MTA3: variants seen among roughly 807,000 people sequenced by gnomAD.
MTA3 encodes metastasis associated 1 family member 3, also known as metastasis-associated protein MTA3.
Under a neutral mutation model 83.5 loss-of-function variants are expected in MTA3, and 34 were observed. The ratio of observed to expected loss-of-function variants is 0.41; its 90% CI spans 0.31 to 0.54. The LOEUF (loss-of-function observed/expected upper bound fraction) is 0.54. MTA3 is among the 20% of genes least tolerant of loss of function. The pLI is 0.33. For synonymous variants in MTA3, 303 were observed against 252.7 expected, an observed-to-expected ratio of 1.20 and a Z score of -1.89; for missense variants, 761 against 726.4, an observed-to-expected ratio of 1.05 and a Z score of -0.55.
chr2:42,568,369 C>T (rs1277798962), upstream of MTA3: 1 of 198,546 alleles, frequency 5.0e-6, no homozygotes, highest in Admixed American at 6.0e-5. Flanking sequence ...AGGCCTCTGC[C>T]TCAGCCAGGA....
At chr2:42,509,177 G>A (rs1674784939) in intron 2 of MTA3, among the ~76,000 whole-genome samples, 1 of 151,816 alleles carries the variant, frequency 6.6e-6, no homozygotes, top group African/African-American at 2.4e-5. Context: ...CAAGTAGCTG[G>A]GACTACAGGT....
At chr2:42,605,184 C>T (rs1683107887) in intron 3 of MTA3, among the ~76,000 whole-genome samples, 1 of 146,472 alleles carries the variant, frequency 6.8e-6, no homozygotes, top group Non-Finnish European at 1.5e-5. Context: ...CCCTCACCTC[C>T]CGGACGGGGC....
chr2:42,605,703 C>T (rs1230489720), intron 3 of MTA3, among the ~76,000 whole-genome samples: 6 of 130,330 alleles, frequency 4.6e-5, no homozygotes, highest in South Asian at 2.5e-4. Context: ...GGCGGCTGGC[C>T]GGGCGGGGGG....
At chr2:42,498,066 C>A (rs1223900953) in intron 2 of MTA3, among the ~76,000 whole-genome samples, 1 of 152,172 alleles carries the variant, frequency 6.6e-6, no homozygotes, top group Non-Finnish European at 1.5e-5. Context: ...CCGTTTCCCC[C>A]AAAGCTTTAG....
At chr2:42,666,547 G>A (rs1355119812) in intron 8 of MTA3, among the ~76,000 whole-genome samples, 2 of 152,102 alleles carry the variant, frequency 1.3e-5, no homozygotes, top group East Asian at 1.9e-4. Flanking sequence ...TTTCCCTGAT[G>A]CTCTCATAGC....
chr2:42,674,596 CTTTTTTT>C (rs34154066), intron 8 of MTA3, among the ~76,000 whole-genome samples: 1 of 114,332 alleles, frequency 8.7e-6, no homozygotes, highest in Non-Finnish European at 1.8e-5. Flanking sequence ...TTTTCTTCTT[CTTTTTTT>C]TTTTTTTTTT....
intron 3 of MTA3, 66 bp from the exon 4 acceptor site, chr2:42,609,392 C>G: frequency 6.8e-7 from 1 of 1,464,628 alleles, no homozygotes; most frequent in South Asian, 1.2e-5. Context: ...TTGATTTGAT[C>G]TGTTTCAATA....
chr2:42,637,251 G>A (rs1018717946), intron 4 of MTA3, among the ~76,000 whole-genome samples: 3 of 152,160 alleles, frequency 2.0e-5, no homozygotes, highest in Admixed American at 1.3e-4. Context: ...AAAGTAGTAC[G>A]AGTGATTATA....
intron 9 of MTA3, among the ~76,000 whole-genome samples, chr2:42,685,221 G>C (rs1228536333): frequency 6.6e-6 from 1 of 152,150 alleles, no homozygotes. Flanking sequence ...TAATAATACT[G>C]TTAGATGATT....
intron 4 of MTA3, among the ~76,000 whole-genome samples, chr2:42,609,883 G>A (rs560891315): frequency 6.6e-6 from 1 of 152,262 alleles, no homozygotes; most frequent in South Asian, 2.1e-4. Context: ...CGTATCATTT[G>A]AGGTCAGGAA....
chr2:42,631,211 AAGTT>A (rs1186515467), intron 4 of MTA3, among the ~76,000 whole-genome samples: 9 of 152,198 alleles, frequency 5.9e-5, no homozygotes, highest in East Asian at 3.8e-4. Flanking sequence ...TAACATGAGA[AAGTT>A]AGTTAGTATG....
chr2:42,745,374 C>T (rs1669331344), intron 16 of MTA3, among the ~76,000 whole-genome samples: 1 of 152,082 alleles, frequency 6.6e-6, no homozygotes, highest in African/African-American at 2.4e-5. Flanking sequence ...TAGGGCTGAC[C>T]ACATTTAAGT....
chr2:42,642,726 C>A (rs1387810965), intron 5 of MTA3, among the ~76,000 whole-genome samples: 2 of 150,270 alleles, frequency 1.3e-5, no homozygotes, highest in African/African-American at 2.5e-5. Context: ...CTCACTGCAA[C>A]CTCTGCCTCC....
chr2:42,638,327 A>T (rs1418629692), intron 4 of MTA3, among the ~76,000 whole-genome samples: 1 of 152,178 alleles, frequency 6.6e-6, no homozygotes, highest in Non-Finnish European at 1.5e-5. Flanking sequence ...TGCTAACGGC[A>T]GCAGAGCAAT....
intron 2 of MTA3, among the ~76,000 whole-genome samples, chr2:42,573,985 T>G (rs1237436089): frequency 3.5e-5 from 5 of 141,668 alleles, no homozygotes; most frequent in Non-Finnish European, 6.0e-5. Context: ...CGCCTGGCTA[T>G]TTATTTATTT....
intron 2 of MTA3, among the ~76,000 whole-genome samples, chr2:42,546,735 C>T (rs12986795): frequency 0.35 from 52,882 of 151,946 alleles, 9,323 homozygotes; most frequent in South Asian, 0.4. Flanking sequence ...TTATTCCTTA[C>T]GCATGTTGCA....
intron 8 of MTA3, among the ~76,000 whole-genome samples, chr2:42,673,870 G>A (rs551644193): frequency 6.6e-6 from 1 of 152,210 alleles, no homozygotes; most frequent in Non-Finnish European, 1.5e-5. Context: ...CAGCAGCTGA[G>A]GACTGTCTTA....
In MTA3 at chr2:42,640,234, G is replaced by A; in HGVS notation, c.379G>A (p.Glu127Lys). Residue 127 changes from glutamate to lysine, a missense_variant and splice_region_variant, in exon 5 of 17, where the codon GAG becomes AAG. Transcript: ENST00000405094. ...TESVLSYLDK[E>K]DTFFYSLVYD... ...ATCAGTATTGTCATATCTTGATAAG[G>A]AGGTAATTCACAATCATAGTTGTTT... 1 of 1,601,448 alleles carries A rather than the reference G, an allele frequency of 6.2e-7. No individual in the cohort carries two copies. The highest frequency in any genetic ancestry group is 8.5e-7 in the Non-Finnish European group (1 of 1,173,776).
At chr2:42,611,492 C>T (rs116402714) in intron 4 of MTA3, among the ~76,000 whole-genome samples, 2,553 of 152,172 alleles carry the variant, frequency 0.017, 32 homozygotes, top group African/African-American at 0.031. Flanking sequence ...TGTGAGCCCT[C>T]ACCCCCATAG....
Sources: gnomAD v4.1 joint callset for allele counts (sites outside exome capture counted in the v4.1 genomes callset) on GRCh38, gnomAD v4.1.1 for gene constraint, MANE v1.5 for transcripts, NCBI Gene and HGNC (gene_info 2026-07-23, HGNC 2026-07-21) for gene names.